The following EPHA3 variants were observed in gnomAD, a reference collection of about 807,000 sequenced individuals.
EPHA3 encodes the protein EPH receptor A3.
A neutral mutation model predicts 107.1 loss-of-function variants in EPHA3; 42 were observed. That is an observed-to-expected ratio of 0.39 (90% CI 0.31 to 0.51). EPHA3 has a LOEUF of 0.51. Among genes scored for constraint, EPHA3 ranks in the 20% least tolerant of loss-of-function variants. The pLI, the probability that EPHA3 is intolerant of heterozygous loss-of-function variation, is 0.78. For synonymous variants in EPHA3, 461 were observed against 424.8 expected, an observed-to-expected ratio of 1.09 and a Z score of -1.05; for missense variants, 1,183 against 1,211.2, an observed-to-expected ratio of 0.98 and a Z score of 0.35.
intron 11 of EPHA3, among the ~76,000 whole-genome samples, chr3:89,420,950 C>A (rs1295444953): frequency 6.6e-6 from 1 of 151,428 alleles, no homozygotes; most frequent in African/African-American, 2.4e-5. Context: ...ATGATAATTT[C>A]TCTCTTACAT....
intron 1 of EPHA3, among the ~76,000 whole-genome samples, chr3:89,116,034 C>T (rs1240764366): frequency 6.6e-6 from 1 of 152,172 alleles, no homozygotes; most frequent in Non-Finnish European, 1.5e-5. Context: ...ACTGTAGTTA[C>T]ACTCATAAGT....
intron 13 of EPHA3, among the ~76,000 whole-genome samples, chr3:89,436,813 C>A (rs116376404): frequency 6.6e-6 from 1 of 152,112 alleles, no homozygotes; most frequent in Non-Finnish European, 1.5e-5. Context: ...ATGTTCTCGA[C>A]AGCATGCCGG....
chr3:89,289,944 A>C (rs1378805017), intron 3 of EPHA3, among the ~76,000 whole-genome samples: 1 of 152,162 alleles, frequency 6.6e-6, no homozygotes, highest in Non-Finnish European at 1.5e-5. Context: ...CTGGGTTGTG[A>C]ACATCAAAGA....
intron 15 of EPHA3, among the ~76,000 whole-genome samples, chr3:89,460,608 T>C (rs1363157125): frequency 6.7e-6 from 1 of 149,260 alleles, no homozygotes; most frequent in South Asian, 2.1e-4. Context: ...GAGTACATAA[T>C]AGAATTCTTT....
intron 3 of EPHA3, among the ~76,000 whole-genome samples, chr3:89,324,887 T>A (rs1707131160): frequency 6.6e-6 from 1 of 152,138 alleles, no homozygotes; most frequent in Non-Finnish European, 1.5e-5. Context: ...CAATGTCTAT[T>A]GTAGCCATCT....
At chr3:89,352,450 T>A (rs1707848944) in intron 5 of EPHA3, among the ~76,000 whole-genome samples, 1 of 151,412 alleles carries the variant, frequency 6.6e-6, no homozygotes, top group Non-Finnish European at 1.5e-5. Context: ...AAAAAACGTT[T>A]ATAGGCTTTC....
At chr3:89,202,534 A>AAATATAT (rs1553663622) in intron 2 of EPHA3, among the ~76,000 whole-genome samples, 1 of 37,692 alleles carries the variant, frequency 2.7e-5, no homozygotes, top group African/African-American at 7.3e-5. Context: ...AAAAAAAAAA[A>AAATATAT]ATATATATAT....
intron 2 of EPHA3, among the ~76,000 whole-genome samples, chr3:89,203,253 T>C (rs373837901): frequency 6.6e-6 from 1 of 150,546 alleles, no homozygotes; most frequent in East Asian, 1.9e-4. Context: ...TTGTTTTTGT[T>C]GTTGTTGTTT....
chr3:89,203,709 G>T (rs2107167398), intron 2 of EPHA3, among the ~76,000 whole-genome samples: 1 of 152,076 alleles, frequency 6.6e-6, no homozygotes, highest in Non-Finnish European at 1.5e-5. Flanking sequence ...CCTGGGAGGC[G>T]CAGCTTGCAG....
intron 2 of EPHA3, among the ~76,000 whole-genome samples, chr3:89,206,325 C>T (rs1706103357): frequency 6.6e-6 from 1 of 152,082 alleles, no homozygotes; most frequent in Non-Finnish European, 1.5e-5. Context: ...TTATGAAAAC[C>T]TCTACACAAT....
intron 1 of EPHA3, among the ~76,000 whole-genome samples, chr3:89,108,087 C>A (rs1707016793): frequency 6.6e-6 from 1 of 152,126 alleles, no homozygotes; most frequent in Non-Finnish European, 1.5e-5. Context: ...ACCTTGTTTG[C>A]CAATTTGAGC....
chr3:89,310,672 T>C (rs1255530160), intron 3 of EPHA3, among the ~76,000 whole-genome samples: 9 of 151,848 alleles, frequency 5.9e-5, no homozygotes, highest in Non-Finnish European at 1.2e-4. Flanking sequence ...TCTATATAGA[T>C]GTCTATATAG....
At chr3:89,359,670 A>G (rs1295555374) in intron 5 of EPHA3, among the ~76,000 whole-genome samples, 2 of 127,786 alleles carry the variant, frequency 1.6e-5, no homozygotes, top group Non-Finnish European at 3.6e-5. Context: ...CAAACATTAT[A>G]TATTGTGTGT....
intron 3 of EPHA3, among the ~76,000 whole-genome samples, chr3:89,213,187 T>A (rs1057449592): frequency 6.6e-6 from 1 of 152,002 alleles, no homozygotes; most frequent in African/African-American, 2.4e-5. Context: ...CTCATGAGTG[T>A]GAATGAACTC....
At chr3:89,140,489 T>C (rs1704409493) in intron 2 of EPHA3, among the ~76,000 whole-genome samples, 1 of 151,772 alleles carries the variant, frequency 6.6e-6, no homozygotes, top group Non-Finnish European at 1.5e-5. Context: ...AATAATTGGA[T>C]AATATAAATT....
intron 15 of EPHA3, among the ~76,000 whole-genome samples, chr3:89,456,644 A>T (rs1343157268): frequency 6.6e-6 from 1 of 152,082 alleles, no homozygotes; most frequent in East Asian, 1.9e-4. Context: ...GGAAGTGGGG[A>T]AGGTGGAAAA....
intron 3 of EPHA3, among the ~76,000 whole-genome samples, chr3:89,239,356 G>T (rs1704841582): frequency 6.6e-6 from 1 of 152,086 alleles, no homozygotes; most frequent in Admixed American, 6.6e-5. Flanking sequence ...AATAACAGTT[G>T]TATAATTTGG....
intron 13 of EPHA3, among the ~76,000 whole-genome samples, chr3:89,446,341 G>A (rs993402275): frequency 6.6e-6 from 1 of 152,088 alleles, no homozygotes; most frequent in African/African-American, 2.4e-5. Flanking sequence ...ATTTACAACA[G>A]AGCAAAAGAG....
chr3:89,418,643 T>C (rs1469211485), intron 10 of EPHA3, among the ~76,000 whole-genome samples: 1 of 151,446 alleles, frequency 6.6e-6, no homozygotes, highest in Non-Finnish European at 1.5e-5. Context: ...GTTATATTGT[T>C]GTTGTCCTCC....
Sources: allele counts gnomAD v4.1 joint callset (sites outside exome capture counted in the v4.1 genomes callset), GRCh38; gene constraint gnomAD v4.1.1; transcripts MANE v1.5; gene names NCBI Gene and HGNC (gene_info 2026-07-23, HGNC 2026-07-21).